The following FBXW4 variants were observed in gnomAD, a reference collection of about 807,000 sequenced individuals.
FBXW4 encodes the protein F-box and WD repeat domain containing 4.
Under a neutral mutation model 61.8 loss-of-function variants are expected in FBXW4, and 40 were observed. The ratio of observed to expected loss-of-function variants is 0.65; its 90% CI spans 0.50 to 0.84. The LOEUF is 0.84. Ranked by LOEUF, FBXW4 falls within the 40% of genes least tolerant of loss-of-function variation. The pLI is 0.00. For missense variants in FBXW4, 672 were observed against 753.8 expected (o/e 0.89, Z 1.27); for synonymous variants, 311 against 313.8 (o/e 0.99, Z 0.10).
chr10:101,620,860 G>A (rs1158208053), intron 6 of FBXW4, among the ~76,000 whole-genome samples: 4 of 151,996 alleles, frequency 2.6e-5, no homozygotes, highest in Non-Finnish European at 5.9e-5. Flanking sequence ...GAGATCTAGG[G>A]GTTTCATAAG....
At chr10:101,650,944 G>A (rs576817791) in intron 5 of FBXW4, among the ~76,000 whole-genome samples, 2 of 152,322 alleles carry the variant, frequency 1.3e-5, no homozygotes, top group East Asian at 1.9e-4. Context: ...GTGACTAAGC[G>A]CAGGGTGGGA....
Position 101,694,461 on chromosome 10 carries a change from G to C in FBXW4, c.645C>G (p.Arg215=). 1 of 1,534,410 alleles carries C rather than the reference G, an allele frequency of 6.5e-7. No homozygotes were observed. The highest frequency in any genetic ancestry group is 8.7e-7 in the Non-Finnish European group (1 of 1,152,258). ...GCCAGAGCAGATCGCAGCTGGTGAA[G>C]CGCCGCAGCCAGCGGCACACCTGGG... ...RLAQVCRWLR[R]FTSCDLLWRR... is the part of the protein sequence containing the mutation. Residue 215 remains arginine, a synonymous_variant, in exon 1 of 9, where the codon CGC becomes CGG. Coordinates refer to ENST00000331272, the MANE Select transcript of FBXW4 (RefSeq NM_022039.4). The surrounding 1 kb of genome is among the most constrained non-coding windows in gnomAD (Gnocchi z 6.0).
intron 5 of FBXW4, among the ~76,000 whole-genome samples, chr10:101,661,054 G>T (rs1025060504): frequency 6.6e-5 from 10 of 152,218 alleles, no homozygotes; most frequent in African/African-American, 2.2e-4. Flanking sequence ...GAGAAAGAAA[G>T]AATTTAAACA....
intron 1 of FBXW4, among the ~76,000 whole-genome samples, chr10:101,684,459 GGGGTTTCACCATGTT>G (rs2064512677): frequency 6.6e-6 from 1 of 152,064 alleles, no homozygotes; most frequent in Admixed American, 6.6e-5. Flanking sequence ...TAATAGAGAT[GGGGTTTCACCATGTT>G]GGCCAGGCTG....
intron 5 of FBXW4, among the ~76,000 whole-genome samples, chr10:101,648,773 A>G (rs1564913706): frequency 6.6e-6 from 1 of 152,234 alleles, no homozygotes; most frequent in Non-Finnish European, 1.5e-5. Flanking sequence ...CAAAAGTTAA[A>G]ATAGTCAAAT....
intron 5 of FBXW4, among the ~76,000 whole-genome samples, chr10:101,636,649 G>A (rs2064004426): frequency 6.6e-6 from 1 of 150,746 alleles, no homozygotes; most frequent in African/African-American, 2.4e-5. Flanking sequence ...GTGTAATGGT[G>A]CAATCTCGGC....
At chr10:101,644,004 C>T (rs2064075636) in intron 5 of FBXW4, among the ~76,000 whole-genome samples, 1 of 152,218 alleles carries the variant, frequency 6.6e-6, no homozygotes, top group Non-Finnish European at 1.5e-5. Flanking sequence ...GGGCTTTCAC[C>T]TGGAGAGACT....
At position 101,678,584 on chromosome 10, in the gene FBXW4, C is replaced by T. The variant is rs376294544; in HGVS notation, c.726-2148G>A. 2.4e-3 allele frequency among the ~76,000 whole-genome samples: 366 copies of T among 152,302 alleles called. 2 individuals are homozygous for T. Among genetic ancestry groups the T allele is most frequent in the African/African-American group, 8.5e-3 (355 of 41,560 alleles). ...GGGATTACAGGTGCCCACCACCACA[C>T]CCAGCTAATTTTTTTTACTGTTTTT... On this transcript the variant is annotated intron_variant, in intron 1 of 8. Coordinates refer to ENST00000331272, the MANE Select transcript of FBXW4 (RefSeq NM_022039.4).
intron 6 of FBXW4, among the ~76,000 whole-genome samples, chr10:101,618,380 A>C (rs1260334703): frequency 1.3e-5 from 2 of 152,166 alleles, no homozygotes; most frequent in Non-Finnish European, 2.9e-5. Context: ...TATATTGAAG[A>C]GCGAGCAGGG....
chr10:101,687,659 G>A (rs1479007752), intron 1 of FBXW4, among the ~76,000 whole-genome samples: 1 of 151,940 alleles, frequency 6.6e-6, no homozygotes, highest in Non-Finnish European at 1.5e-5. Context: ...TCCCATCCCT[G>A]CCCACCTGTC....
intron 1 of FBXW4, among the ~76,000 whole-genome samples, chr10:101,692,599 T>C (rs1308878936): frequency 6.6e-6 from 1 of 151,372 alleles, no homozygotes; most frequent in Non-Finnish European, 1.5e-5. Context: ...CTACCAAAAA[T>C]ACAAAATTAG....
Position 101,670,972 on chromosome 10 carries a change from C to T in FBXW4, c.1140+1943G>A, listed in dbSNP as rs186546887. On this transcript the variant is annotated intron_variant, in intron 4 of 8. Coordinates refer to ENST00000331272, the MANE Select transcript of FBXW4 (RefSeq NM_022039.4). ...TAAAATAAATCTCTTTCCTAAAATA[C>T]AGTACATATTTGGGAAACTCCCCAA... Among the ~76,000 whole-genome samples the T allele has an allele frequency of 2.1e-4, 32 of 152,312 alleles. No individual in the cohort carries two copies. In the East Asian group the frequency reaches 6.2e-3, roughly 29 times the overall value.
chr10:101,625,169 A>C (rs2063898024), intron 5 of FBXW4: 1 of 258,272 alleles, frequency 3.9e-6, no homozygotes, highest in Non-Finnish European at 7.6e-6. Context: ...CCAAGAGCAC[A>C]ATGGCAGGGC....
In FBXW4 at chr10:101,694,478, A is replaced by C. The variant is rs2064651263; in HGVS notation, c.628T>G (p.Cys210Gly). 3 of 1,531,416 alleles carry C rather than the reference A, an allele frequency of 2.0e-6. No individual in the cohort carries two copies. Among genetic ancestry groups the C allele is most frequent in the Non-Finnish European group, 2.6e-6 (3 of 1,150,414 alleles). The allele number at this position is 1,531,416 out of a possible 1,614,324, so 94.9% of individuals were successfully genotyped here. The change falls in exon 1 of 9, where the codon TGC becomes GGC. Residue 210 changes from cysteine to glycine, a missense_variant. Around this residue, in one of 5 missense-constraint regions of FBXW4, gnomAD observed 311 missense variants for 301.1 expected, o/e 1.03. Coordinates refer to ENST00000331272, the MANE Select transcript of FBXW4 (RefSeq NM_022039.4). This position sits in a 1 kb window ranked among gnomAD's most constrained non-coding sequence, Gnocchi z 6.0. Reference sequence around the variant, plus strand: ...CTGGTGAAGCGCCGCAGCCAGCGGCACACCTGGGCCAGGCGGCCGAGGGCC... The same window carrying C: ...CTGGTGAAGCGCCGCAGCCAGCGGCCCACCTGGGCCAGGCGGCCGAGGGCC... ...MRALGRLAQVCRWLRRFTSCD... is the reference protein window; with the variant it reads ...MRALGRLAQVGRWLRRFTSCD...
intron 5 of FBXW4, among the ~76,000 whole-genome samples, chr10:101,639,951 C>T (rs12358045): frequency 0.16 from 25,014 of 152,130 alleles, 2,396 homozygotes; most frequent in Middle Eastern, 0.23. Context: ...GTTTCTGTCA[C>T]TTACAATAAA....
At chr10:101,627,095 C>T (rs2063913406) in intron 5 of FBXW4, among the ~76,000 whole-genome samples, 1 of 148,744 alleles carries the variant, frequency 6.7e-6, no homozygotes, top group African/African-American at 2.5e-5. Context: ...CACTATGTTG[C>T]CCAGGCTGGT....
intron 5 of FBXW4, among the ~76,000 whole-genome samples, chr10:101,643,215 G>C (rs573938625): frequency 6.6e-6 from 1 of 152,198 alleles, no homozygotes; most frequent in African/African-American, 2.4e-5. Flanking sequence ...AATGATTAGC[G>C]TATCTACCCT....
chr10:101,631,254 G>T (rs1324124028), intron 5 of FBXW4, among the ~76,000 whole-genome samples: 7 of 152,164 alleles, frequency 4.6e-5, no homozygotes, highest in Non-Finnish European at 1.0e-4. Flanking sequence ...AACCATAATG[G>T]GTTAATAGGG....
At chr10:101,623,176 C>G (rs866066665) in intron 6 of FBXW4, among the ~76,000 whole-genome samples, 2 of 152,146 alleles carry the variant, frequency 1.3e-5, no homozygotes, top group Non-Finnish European at 2.9e-5. Flanking sequence ...AATCCTAGCA[C>G]TTTGGGAGGC....
Sources: gnomAD v4.1 joint callset for allele counts (sites outside exome capture counted in the v4.1 genomes callset) on GRCh38, gnomAD v4.1.1 for gene constraint, gnomAD v4.1.1 regional missense constraint, Gnocchi (gnomAD v3.1) non-coding constraint, MANE v1.5 for transcripts, NCBI Gene and HGNC (gene_info 2026-07-23, HGNC 2026-07-21) for gene names.